The following MDGA2 variants were observed in gnomAD, a reference collection of about 807,000 sequenced individuals.
MDGA2 encodes the protein MAM domain-containing glycosylphosphatidylinositol anchor protein 2.
In MDGA2, 40 loss-of-function variants were observed where a neutral mutation model predicts 117.8. The observed-to-expected ratio is 0.34, with a 90% CI of 0.26 to 0.44. MDGA2 has a LOEUF of 0.44. MDGA2 is among the 20% of genes least tolerant of loss of function. MDGA2 has a pLI of 1.00. For synonymous variants in MDGA2, 452 were observed against 439.0 expected (o/e 1.03, Z -0.37); for missense variants, 1,123 against 1,250.6 (o/e 0.90, Z 1.54).
chr14:47,231,009 CT>C (rs749828193), intron 2 of MDGA2, among the ~76,000 whole-genome samples: 2 of 151,906 alleles, frequency 1.3e-5, no homozygotes, highest in Non-Finnish European at 2.9e-5. Flanking sequence ...GAAATGTAAA[CT>C]AATTTTGTGC....
At chr14:47,358,002 GA>G (rs1566753004) in intron 1 of MDGA2, among the ~76,000 whole-genome samples, 1 of 149,492 alleles carries the variant, frequency 6.7e-6, no homozygotes, top group Non-Finnish European at 1.5e-5. Flanking sequence ...ACACACTGTG[GA>G]AAAAGTGCCT....
intron 1 of MDGA2, among the ~76,000 whole-genome samples, chr14:47,459,262 T>C (rs1166965776): frequency 6.6e-6 from 1 of 152,094 alleles, no homozygotes; most frequent in Non-Finnish European, 1.5e-5. Flanking sequence ...CTGGCATAGG[T>C]CCTGGAGGTT....
rs186086005 is a variant in MDGA2, at chr14:46,969,149, T to C, written c.1820-11506A>G. On this transcript the variant is annotated intron_variant, in intron 8 of 16. Transcript: ENST00000399232. ...CACATTTTCTTAATCCAGTCTATCA[T>C]TGTTGGACATTTGGGTTGGTTCCAA... Among the ~76,000 whole-genome samples the C allele has an allele frequency of 2.6e-5, 4 of 152,318 alleles. No individual in the cohort carries two copies. In the East Asian group the frequency reaches 7.7e-4, roughly 29 times the overall value.
intron 1 of MDGA2, among the ~76,000 whole-genome samples, chr14:47,426,059 T>C (rs1310598776): frequency 6.6e-6 from 1 of 152,062 alleles, no homozygotes; most frequent in Non-Finnish European, 1.5e-5. Context: ...AGCCCGGATG[T>C]TTTCAAAGAG....
intron 1 of MDGA2, among the ~76,000 whole-genome samples, chr14:47,563,245 A>G (rs1365231188): frequency 6.6e-6 from 1 of 152,140 alleles, no homozygotes; most frequent in Non-Finnish European, 1.5e-5. Flanking sequence ...TTAGATGTCT[A>G]TTAGGTCAAT....
At chr14:46,864,080 A>G (rs1486824795) in intron 14 of MDGA2, among the ~76,000 whole-genome samples, 12 of 29,328 alleles carry the variant, frequency 4.1e-4, no homozygotes, top group African/African-American at 1.5e-3. Context: ...CCCACCCCCC[A>G]CCCCACAACA....
chr14:47,483,370 A>T (rs1893993152), intron 1 of MDGA2, among the ~76,000 whole-genome samples: 1 of 152,144 alleles, frequency 6.6e-6, no homozygotes, highest in Admixed American at 6.5e-5. Flanking sequence ...AGCCTGCTTC[A>T]TTCAAAGAGA....
At chr14:47,417,372 T>A (rs1892495693) in intron 1 of MDGA2, among the ~76,000 whole-genome samples, 2 of 152,318 alleles carry the variant, frequency 1.3e-5, no homozygotes, top group African/African-American at 4.8e-5. Context: ...ATTTGCCACT[T>A]TATGACAAGG....
intron 6 of MDGA2, among the ~76,000 whole-genome samples, chr14:47,073,893 T>C (rs1417046591): frequency 6.6e-6 from 1 of 152,156 alleles, no homozygotes; most frequent in African/African-American, 2.4e-5. Flanking sequence ...AAACATTCGC[T>C]TTCATTTCCC....
At chr14:47,441,360 C>T (rs529817486) in intron 1 of MDGA2, among the ~76,000 whole-genome samples, 1 of 152,120 alleles carries the variant, frequency 6.6e-6, no homozygotes, top group Non-Finnish European at 1.5e-5. Flanking sequence ...AATGAATACC[C>T]GCTGGCTGGA....
intron 6 of MDGA2, among the ~76,000 whole-genome samples, chr14:47,091,463 A>C (rs1879652714): frequency 6.6e-6 from 1 of 152,166 alleles, no homozygotes; most frequent in South Asian, 2.1e-4. Context: ...ATGCTATCTT[A>C]AGATAGGGGA....
intron 3 of MDGA2, among the ~76,000 whole-genome samples, chr14:47,145,912 T>C (rs1182499674): frequency 6.6e-6 from 1 of 152,132 alleles, no homozygotes; most frequent in Non-Finnish European, 1.5e-5. Flanking sequence ...CACCAATTCA[T>C]AATACATTCA....
intron 1 of MDGA2, among the ~76,000 whole-genome samples, chr14:47,338,882 G>A (rs1051432291): frequency 5.3e-5 from 8 of 152,052 alleles, no homozygotes; most frequent in Admixed American, 2.6e-4. Context: ...CAACATTAAG[G>A]ATACGTAGTG....
At chr14:46,942,168 GC>G (rs1193976773) in intron 9 of MDGA2, among the ~76,000 whole-genome samples, 1 of 152,096 alleles carries the variant, frequency 6.6e-6, no homozygotes, top group Non-Finnish European at 1.5e-5. Flanking sequence ...AACCATTTTA[GC>G]TTCCCCAACT....
At chr14:47,171,547 T>A (rs533234101) in intron 3 of MDGA2, among the ~76,000 whole-genome samples, 1 of 152,286 alleles carries the variant, frequency 6.6e-6, no homozygotes, top group East Asian at 1.9e-4. Context: ...TGGGGGAGAT[T>A]TCTTATTGTT....
intron 10 of MDGA2, among the ~76,000 whole-genome samples, chr14:46,887,419 C>G (rs1341527384): frequency 6.6e-6 from 1 of 151,856 alleles, no homozygotes; most frequent in African/African-American, 2.4e-5. Flanking sequence ...ATATACTGCT[C>G]CCTTAATTGT....
chr14:47,023,511 A>C (rs951914367), intron 8 of MDGA2, among the ~76,000 whole-genome samples: 24 of 152,300 alleles, frequency 1.6e-4, no homozygotes, highest in East Asian at 1.2e-3. Context: ...TCATCATGGC[A>C]AATAAGAAAG....
rs527525594 is a variant in MDGA2, at chr14:47,611,497, CA to C, written c.280+63019del. Reference sequence around the variant, plus strand: ...TAATACCCAGAATCGACAACAAACTCAAAAAAAATCAGCAAAAAAACAAACA... The same window carrying C: ...TAATACCCAGAATCGACAACAAACTCAAAAAAATCAGCAAAAAAACAAACA... On this transcript the variant is annotated intron_variant, in intron 1 of 16. Transcript: ENST00000399232. 2.6e-3 allele frequency among the ~76,000 whole-genome samples: 393 copies of C among 151,398 alleles called. 1 individual carries two copies. Among genetic ancestry groups the C allele is most frequent in the African/African-American group, 9.0e-3 (374 of 41,346 alleles).
chr14:47,046,565 T>G (rs1367442617), intron 7 of MDGA2, among the ~76,000 whole-genome samples: 1 of 151,102 alleles, frequency 6.6e-6, no homozygotes, highest in African/African-American at 2.4e-5. Flanking sequence ...CAAACCTGCA[T>G]GTTGTGCACA....
Sources: gnomAD v4.1 joint callset for allele counts (sites outside exome capture counted in the v4.1 genomes callset) on GRCh38, gnomAD v4.1.1 for gene constraint, MANE v1.5 for transcripts, NCBI Gene and HGNC (gene_info 2026-07-23, HGNC 2026-07-21) for gene names.